Variants in GPR107 observed in about 807,000 individuals in gnomAD.
GPR107 encodes the protein protein GPR107.
Under a neutral mutation model 75.5 loss-of-function variants are expected in GPR107, and 31 were observed. The ratio of observed to expected loss-of-function variants is 0.41; its 90% CI spans 0.31 to 0.55. GPR107 has a LOEUF of 0.55. GPR107 is among the 20% of genes least tolerant of loss of function. The pLI, the probability that GPR107 is intolerant of heterozygous loss-of-function variation, is 0.26. For missense variants in GPR107, 572 were observed against 665.7 expected, an observed-to-expected ratio of 0.86 and a Z score of 1.55; for synonymous variants, 267 against 251.3, an observed-to-expected ratio of 1.06 and a Z score of -0.59.
At chr9:130,082,362 G>A (rs958798038) in intron 5 of GPR107, among the ~76,000 whole-genome samples, 1 of 152,018 alleles carries the variant, frequency 6.6e-6, no homozygotes, top group African/African-American at 2.4e-5. Flanking sequence ...TTCTTGTCTG[G>A]CTTCTTTGTG....
At chr9:130,074,415 C>T (rs746919467) in intron 1 of GPR107, among the ~76,000 whole-genome samples, 24 of 152,228 alleles carry the variant, frequency 1.6e-4, no homozygotes, top group Admixed American at 4.6e-4. Flanking sequence ...TGCAGACTTA[C>T]GGAAGGTGTT....
Position 130,069,641 on chromosome 9 carries a change from G to C in GPR107, c.142-5995G>C, listed in dbSNP as rs532094622. Reference sequence around the variant, plus strand: ...AAAATGGAGGTGGGGAACAGGTTAGGTGAAGGTCCTACAGATATTATTGGC... The same window carrying C: ...AAAATGGAGGTGGGGAACAGGTTAGCTGAAGGTCCTACAGATATTATTGGC... On this transcript the variant is annotated intron_variant, in intron 1 of 17. Coordinates refer to ENST00000347136, the MANE Select transcript of GPR107 (RefSeq NM_020960.5). 1.3e-3 allele frequency among the ~76,000 whole-genome samples: 199 copies of C among 152,160 alleles called. 1 individual carries two copies. The highest frequency in any genetic ancestry group is 4.5e-3 in the African/African-American group (185 of 41,538).
intron 12 of GPR107, among the ~76,000 whole-genome samples, chr9:130,102,726 G>A (rs1487363116): frequency 6.6e-6 from 1 of 152,174 alleles, no homozygotes; most frequent in African/African-American, 2.4e-5. Flanking sequence ...CTCTCATGCA[G>A]TGTGTGAATT....
intron 1 of GPR107, among the ~76,000 whole-genome samples, chr9:130,062,660 G>GCCTTCCTTCCTTCCTT (rs1199165645): frequency 1.4e-5 from 1 of 69,076 alleles, no homozygotes; most frequent in Non-Finnish European, 3.0e-5. Flanking sequence ...CTGCCTGCCT[G>GCCTTCCTTCCTTCCTT]CCTTCCTTCC....
At chr9:130,059,497 AT>A (rs772939245) in intron 1 of GPR107, among the ~76,000 whole-genome samples, 71 of 152,266 alleles carry the variant, frequency 4.7e-4, no homozygotes, top group Non-Finnish European at 6.9e-4. Context: ...TCAAAAAAAA[AT>A]AAATAAATAA....
intron 9 of GPR107, among the ~76,000 whole-genome samples, chr9:130,093,430 A>C (rs966565034): frequency 6.6e-6 from 1 of 152,226 alleles, no homozygotes. Flanking sequence ...AATTCATAGA[A>C]TAATTAAGCA....
At position 130,127,513 on chromosome 9, in the gene GPR107, A is replaced by G; in HGVS notation, c.1387A>G (p.Ile463Val). 4.4e-6 allele frequency: 7 copies of G among 1,600,154 alleles called. No individual in the cohort carries two copies. Among genetic ancestry groups the G allele is most frequent in the Non-Finnish European group, 6.0e-6 (7 of 1,167,254 alleles). ...IVCYIYFTRI[I>V]AFLLKLAVPF... ...GTGTTACATATACTTCACTAGGATC[A>G]TTGCATTTCTCCTCAAACTCGCTGT... Residue 463 changes from isoleucine to valine, a missense_variant, in exon 16 of 18, where the codon ATT becomes GTT. Transcript: ENST00000347136.
chr9:130,133,345 C>T (rs1286246640), intron 17 of GPR107: 2 of 152,264 alleles, frequency 1.3e-5, no homozygotes, highest in Non-Finnish European at 2.9e-5. Context: ...CGCTTTGCCT[C>T]TTAGAATCAA....
At chr9:130,076,550 T>TC in intron 3 of GPR107, 88 bp downstream of exon 3, 1 of 880,028 alleles carries the variant, frequency 1.1e-6, no homozygotes, top group Admixed American at 1.8e-5. Context: ...AGTTCCATTT[T>TC]CATTTTTTTT....
intron 9 of GPR107, among the ~76,000 whole-genome samples, chr9:130,099,061 C>G (rs1464755299): frequency 6.6e-6 from 1 of 151,888 alleles, no homozygotes; most frequent in Non-Finnish European, 1.5e-5. Flanking sequence ...CCTGTAATAT[C>G]AACACTTTGA....
chr9:130,092,462 C>T, intron 9 of GPR107, 81 bp downstream of exon 9: 2 of 1,145,590 alleles, frequency 1.7e-6, no homozygotes, highest in Non-Finnish European at 1.3e-6. Context: ...AACCTGGAGG[C>T]AGTTGTCACT....
chr9:130,096,909 A>AT (rs1830888029), intron 9 of GPR107, among the ~76,000 whole-genome samples: 1 of 152,242 alleles, frequency 6.6e-6, no homozygotes, highest in African/African-American at 2.4e-5. Context: ...CTGAGTGTGC[A>AT]TCTCATTCAT....
intron 6 of GPR107, among the ~76,000 whole-genome samples, chr9:130,084,567 C>G (rs1830572009): frequency 6.6e-6 from 1 of 151,650 alleles, no homozygotes; most frequent in South Asian, 2.1e-4. Flanking sequence ...TAATTGAGCC[C>G]AGGAGTTCAA....
chr9:130,134,103 T>C (rs533891844), intron 17 of GPR107, among the ~76,000 whole-genome samples: 1 of 152,274 alleles, frequency 6.6e-6, no homozygotes, highest in South Asian at 2.1e-4. Flanking sequence ...TGGTCCACCA[T>C]GGGGGAGCAT....
Position 130,067,204 on chromosome 9 carries a change from G to C in GPR107, c.142-8432G>C, listed in dbSNP as rs114139146. Reference sequence around the variant, plus strand: ...TACGCAGAAAGGTTGAGACTACTGAGCTAATAATGATAACTGTTTTGAGCT... The same window carrying C: ...TACGCAGAAAGGTTGAGACTACTGACCTAATAATGATAACTGTTTTGAGCT... On this transcript the variant is annotated intron_variant, in intron 1 of 17. Coordinates refer to ENST00000347136, the MANE Select transcript of GPR107 (RefSeq NM_020960.5). Among the ~76,000 whole-genome samples the C allele has an allele frequency of 5.2e-3, 795 of 152,204 alleles. 7 individuals are homozygous for C. The highest frequency in any genetic ancestry group is 0.018 in the African/African-American group (759 of 41,552).
chr9:130,069,600 C>T lies in GPR107; in HGVS notation c.142-6036C>T, dbSNP rs551270470. 4.6e-5 allele frequency among the ~76,000 whole-genome samples: 7 copies of T among 152,278 alleles called. No homozygotes were observed. In the South Asian group the frequency reaches 1.5e-3, roughly 32 times the overall value. ...TCACTTCCATACATATCTTATTTGA[C>T]ATGACACGATAGCTTAAAATGGAGG... On this transcript the variant is annotated intron_variant, in intron 1 of 17. Transcript: ENST00000347136.
At chr9:130,076,879 T>A (rs1399934187) in intron 3 of GPR107, among the ~76,000 whole-genome samples, 1 of 151,316 alleles carries the variant, frequency 6.6e-6, no homozygotes, top group Non-Finnish European at 1.5e-5. Context: ...ACAGTTGGTT[T>A]ACTTTTGTTT....
At chr9:130,072,179 C>A (rs1564661957) in intron 1 of GPR107, among the ~76,000 whole-genome samples, 1 of 151,590 alleles carries the variant, frequency 6.6e-6, no homozygotes, top group East Asian at 1.9e-4. Flanking sequence ...GTTGGCCAGG[C>A]TGATCTTGAA....
At chr9:130,072,262 A>G (rs1830227919) in intron 1 of GPR107, among the ~76,000 whole-genome samples, 2 of 147,848 alleles carry the variant, frequency 1.4e-5, no homozygotes, top group African/African-American at 5.0e-5. Flanking sequence ...GCTGTCGCCC[A>G]GGCTGGAGTG....
Sources: gnomAD v4.1 joint callset for allele counts (sites outside exome capture counted in the v4.1 genomes callset) on GRCh38, gnomAD v4.1.1 for gene constraint, MANE v1.5 for transcripts, NCBI Gene and HGNC (gene_info 2026-07-23, HGNC 2026-07-21) for gene names.